Variants in ZFAT observed in about 807,000 individuals in gnomAD.
The protein encoded by ZFAT is zinc finger protein ZFAT.
Under a neutral mutation model 117.7 loss-of-function variants are expected in ZFAT, and 64 were observed. That is an observed-to-expected ratio of 0.54 (90% confidence interval 0.44 to 0.67). ZFAT has a LOEUF of 0.67. ZFAT is among the 30% of genes least tolerant of loss of function. The pLI is 0.00. For synonymous variants in ZFAT, 679 were observed against 615.0 expected (o/e 1.10, Z -1.54); for missense variants, 1,433 against 1,584.5 (o/e 0.90, Z 1.62).
rs148732265 is a variant in ZFAT at position 134,611,836 on chromosome 8, G to A, written c.449-1181C>T. 4.7e-3 allele frequency among the ~76,000 whole-genome samples: 711 copies of A among 152,322 alleles called. 4 individuals carry two copies. The highest frequency in any genetic ancestry group is 0.016 in the African/African-American group (652 of 41,556). Reference sequence around the variant, plus strand: ...GGAAGGGCTGGATTATATTTGTGCCGCTGCTGCAGACAGCAAAGTCAACGG... The same window carrying A: ...GGAAGGGCTGGATTATATTTGTGCCACTGCTGCAGACAGCAAAGTCAACGG... On this transcript the variant is annotated intron_variant, in intron 3 of 15. Transcript: ENST00000377838.
At chr8:134,536,029 T>C (rs1821810637) in intron 11 of ZFAT, among the ~76,000 whole-genome samples, 1 of 152,208 alleles carries the variant, frequency 6.6e-6, no homozygotes, top group South Asian at 2.1e-4. Context: ...AATTTCACCC[T>C]TCTTGCAGCA....
the ZFAT span, among the ~76,000 whole-genome samples, chr8:134,799,341 T>G: frequency 2.6e-5 from 4 of 152,142 alleles, no homozygotes; most frequent in Non-Finnish European, 4.4e-5. Context: ...CTTACATAAT[T>G]TTCGTTTTAT....
chr8:134,637,864 A>G, intron 2 of ZFAT, 152 bp from the exon 3 acceptor site: 2 of 1,076,938 alleles, frequency 1.9e-6, no homozygotes, highest in Non-Finnish European at 2.6e-6. Context: ...GCTGCAAACA[A>G]TTATCGTTGG....
intron 1 of ZFAT, among the ~76,000 whole-genome samples, chr8:134,667,908 C>G (rs1468523847): frequency 1.3e-5 from 2 of 152,188 alleles, no homozygotes; most frequent in African/African-American, 4.8e-5. Context: ...CACTCCCACC[C>G]TAATACTGCA....
intron 15 of ZFAT, among the ~76,000 whole-genome samples, chr8:134,493,489 C>T (rs1463698113): frequency 6.6e-6 from 1 of 152,226 alleles, no homozygotes; most frequent in Non-Finnish European, 1.5e-5. Flanking sequence ...ACTAGAACAT[C>T]TTGTACCTCT....
At chr8:134,543,867 C>A (rs1822475292) in intron 11 of ZFAT, among the ~76,000 whole-genome samples, 2 of 152,086 alleles carry the variant, frequency 1.3e-5, no homozygotes, top group Non-Finnish European at 2.9e-5. Flanking sequence ...AAATACCCAC[C>A]CTCCCCACTT....
At position 134,637,459 on chromosome 8, in the gene ZFAT, A is replaced by T. The variant is rs1257748989; in HGVS notation, c.448+2T>A. On this transcript the variant is annotated splice_donor_variant, in intron 3 of 15. Coordinates refer to ENST00000377838, the MANE Select transcript of ZFAT (RefSeq NM_020863.4). LOFTEE classifies it high-confidence loss of function. ...CATGTTCAGCCCTTTGGCAGCATTT[A>T]CCTGCTTCTCCTTCCTCCTCACCCA... is the stretch of plus-strand genomic sequence containing the variant. 1 of 1,604,850 alleles carries T rather than the reference A, an allele frequency of 6.2e-7. No homozygotes were observed. Among genetic ancestry groups the T allele is most frequent in the Non-Finnish European group, 8.5e-7 (1 of 1,172,228 alleles).
Position 134,478,689 on chromosome 8 carries a change from C to G in ZFAT, c.3525G>C (p.Thr1175=), listed in dbSNP as rs368772850. The stretch of plus-strand genomic sequence containing the variant: ...GCTGGACCGTCTCCTGGATCATGAC[C>G]GTGTGGTTGGAGCTGGGCTCCTCCT... The part of the protein sequence containing the change: ...VTEEEPSSNH[T]VMIQETVQQA... The change falls in exon 16 of 16, where the codon ACG becomes ACC. Residue 1175 remains threonine (T), a synonymous_variant. Coordinates refer to ENST00000377838, the MANE Select transcript of ZFAT (RefSeq NM_020863.4). The surrounding 1 kb of genome is among the most constrained non-coding windows in gnomAD (Gnocchi z 5.2). 2.5e-6 allele frequency: 4 copies of G among 1,577,766 alleles called. No homozygotes were observed. Among genetic ancestry groups the G allele is most frequent in the African/African-American group, 2.7e-5 (2 of 74,104 alleles).
the ZFAT span, among the ~76,000 whole-genome samples, chr8:134,823,447 T>C: frequency 1.4e-3 from 212 of 152,328 alleles, 2 homozygotes; most frequent in Middle Eastern, 0.034. Flanking sequence ...TAAGTGCTTA[T>C]ATACATTAAT....
chr8:134,804,668 C>T, the ZFAT span, among the ~76,000 whole-genome samples: 1 of 152,060 alleles, frequency 6.6e-6, no homozygotes, highest in Admixed American at 6.6e-5. Flanking sequence ...TCTCTAAGGC[C>T]CAGCAGCAGC....
intron 15 of ZFAT, among the ~76,000 whole-genome samples, chr8:134,501,944 G>A (rs1392939083): frequency 6.6e-6 from 1 of 152,164 alleles, no homozygotes; most frequent in Non-Finnish European, 1.5e-5. Flanking sequence ...CAATTCAGAT[G>A]GCCAGGCTCT....
chr8:134,774,062 C>A, the ZFAT span, among the ~76,000 whole-genome samples: 2 of 130,330 alleles, frequency 1.5e-5, no homozygotes, highest in Non-Finnish European at 3.1e-5. Flanking sequence ...GCGGCACGAT[C>A]TCAGCTCACT....
At chr8:134,814,967 A>G in the ZFAT span, among the ~76,000 whole-genome samples, 2 of 152,182 alleles carry the variant, frequency 1.3e-5, no homozygotes, top group African/African-American at 4.8e-5. Flanking sequence ...TTATTTTTTA[A>G]ATGTTTAAAT....
the ZFAT span, among the ~76,000 whole-genome samples, chr8:134,727,045 C>T: frequency 6.6e-6 from 1 of 151,888 alleles, no homozygotes; most frequent in Non-Finnish European, 1.5e-5. Flanking sequence ...TCCTGCCCTG[C>T]TCATGTCTGC....
chr8:134,564,209 A>C (rs1220645294), intron 11 of ZFAT, among the ~76,000 whole-genome samples: 1 of 151,742 alleles, frequency 6.6e-6, no homozygotes, highest in Non-Finnish European at 1.5e-5. Context: ...AAAAAAAAAA[A>C]AAAAAAGAGT....
chr8:134,608,935 C>A (rs1313329447), intron 4 of ZFAT, 56 bp from the exon 5 acceptor site: 1 of 1,559,600 alleles, frequency 6.4e-7, no homozygotes, highest in African/African-American at 1.4e-5. Context: ...TGGGCACTGA[C>A]CCCATCGCAG....
the ZFAT span, among the ~76,000 whole-genome samples, chr8:134,780,044 T>C: frequency 2.6e-5 from 4 of 152,314 alleles, no homozygotes; most frequent in African/African-American, 9.6e-5. Context: ...TTTTAAACAA[T>C]CAGCTGCTGT....
the ZFAT span, among the ~76,000 whole-genome samples, chr8:134,736,665 A>C: frequency 6.6e-6 from 1 of 152,046 alleles, no homozygotes; most frequent in African/African-American, 2.4e-5. Flanking sequence ...GTGCAATCAC[A>C]ACTCACTGCA....
intron 3 of ZFAT, among the ~76,000 whole-genome samples, chr8:134,629,187 C>T (rs975997663): frequency 6.6e-6 from 1 of 152,084 alleles, no homozygotes; most frequent in African/African-American, 2.4e-5. Context: ...GGCCAGTCAG[C>T]AGGATGAAAT....
Sources: gnomAD v4.1 joint callset for allele counts (sites outside exome capture counted in the v4.1 genomes callset) on GRCh38, gnomAD v4.1.1 for gene constraint, Gnocchi (gnomAD v3.1) non-coding constraint, MANE v1.5 for transcripts, NCBI Gene and HGNC (gene_info 2026-07-23, HGNC 2026-07-21) for gene names.